Variants in PEX26 observed in about 807,000 individuals in gnomAD.
PEX26 encodes peroxisomal biogenesis factor 26.
Under a neutral mutation model 31.4 loss-of-function variants are expected in PEX26, and 18 were observed. The ratio of observed to expected loss-of-function variants is 0.57; its 90% CI spans 0.40 to 0.85. PEX26 has a LOEUF of 0.85. Ranked by LOEUF, PEX26 falls within the 40% of genes least tolerant of loss-of-function variation. The probability of loss-of-function intolerance (pLI) is 0.00; values close to 1 mark genes in which losing one functional copy is unlikely to be tolerated. For missense variants in PEX26, 377 were observed against 383.9 expected (o/e 0.98, Z 0.15); for synonymous variants, 176 against 166.9 (o/e 1.05, Z -0.42).
Position 18,103,192 on chromosome 22 carries a change from G to A in PEX26, c.*15117G>A, listed in dbSNP as rs1927510872. Reference sequence around the variant, plus strand: ...GCTGGGCAGGGTGTGTATGTGGGATGAAGAGGTGGCTTGATGGACACAAAC... The same window carrying A: ...GCTGGGCAGGGTGTGTATGTGGGATAAAGAGGTGGCTTGATGGACACAAAC... On this transcript the variant is annotated 3_prime_UTR_variant, in exon 5 of 5. Transcript: ENST00000399744. 6.6e-6 allele frequency: 1 copy of A among 151,792 alleles called. No individual in the cohort carries two copies. Among genetic ancestry groups the A allele is most frequent in the Non-Finnish European group, 1.5e-5 (1 of 67,968 alleles). The allele number at this position is 151,792 out of a possible 1,614,324, so 9.4% of individuals were successfully genotyped here. A position where few individuals can be genotyped will look rare whatever the true frequency, so the allele number is the denominator to read the frequency against.
In PEX26 at chr22:18,093,574, A is replaced by AC. The variant is rs1357846462; in HGVS notation, c.*5499_*5500insC. On this transcript the variant is annotated 3_prime_UTR_variant, in exon 5 of 5. Transcript: ENST00000399744. The stretch of plus-strand genomic sequence containing the variant: ...CAAGACTCCGTCTTAAAAAAAAAAA[A>AC]AACAAAAATAAACCTTTTAAATAAA... 2.0e-5 allele frequency: 3 copies of AC among 151,196 alleles called. No homozygotes were observed. The highest frequency in any genetic ancestry group is 2.1e-4 in the South Asian group (1 of 4,756). 9.4% of individuals were successfully genotyped at this position (151,196 alleles called of 1,614,324 possible). A position where few individuals can be genotyped will look rare whatever the true frequency, so the allele number is the denominator to read the frequency against.
At chr22:18,080,976 G>A (rs1189202525) in intron 2 of PEX26, among the ~76,000 whole-genome samples, 6 of 149,780 alleles carry the variant, frequency 4.0e-5, no homozygotes, top group East Asian at 1.9e-4. Context: ...CCGTTCTACC[G>A]TCTGCTTCTA....
Position 18,078,080 on chromosome 22 carries a change from CTGAGGCAGT to C in PEX26, c.-295_-287del. On this transcript the variant is annotated 5_prime_UTR_variant, in exon 1 of 5. Transcript: ENST00000399744. ...TTTGATCGTAACCAGGAGCCCGGAG[CTGAGGCAGT>C]TCCTGCACGTGTCGCGGGGCCGGAG... 2 of 575,150 alleles carry C rather than the reference CTGAGGCAGT, an allele frequency of 3.5e-6. No homozygotes were observed. Among genetic ancestry groups the C allele is most frequent in the Non-Finnish European group, 6.6e-6 (2 of 304,572 alleles). 35.6% of individuals were successfully genotyped at this position (575,150 alleles called of 1,614,324 possible). A position where few individuals can be genotyped will look rare whatever the true frequency, so the allele number is the denominator to read the frequency against.
In PEX26 at chr22:18,100,939, G is replaced by A. The variant is rs1193313777; in HGVS notation, c.*12864G>A. The A allele has an allele frequency of 6.6e-6, 1 of 152,114 alleles. No homozygotes were observed. Among genetic ancestry groups the A allele is most frequent in the Non-Finnish European group, 1.5e-5 (1 of 68,032 alleles). 9.4% of individuals were successfully genotyped at this position (152,114 alleles called of 1,614,324 possible). A position where few individuals can be genotyped will look rare whatever the true frequency, so the allele number is the denominator to read the frequency against. On this transcript the variant is annotated 3_prime_UTR_variant, in exon 5 of 5. Coordinates refer to ENST00000399744, the MANE Select transcript of PEX26 (RefSeq NM_001127649.3). ...GCTTTTAGTCTATTTCCAGCACACGGCCTACACTCACTGGTACCCCATACA... is the reference window on the plus strand; with the variant it reads ...GCTTTTAGTCTATTTCCAGCACACGACCTACACTCACTGGTACCCCATACA...
chr22:18,083,668 A>G lies in PEX26; in HGVS notation c.603A>G (p.Thr201=), dbSNP rs1926715303. The change falls in exon 3 of 5, where the codon ACA becomes ACG. Residue 201 remains threonine, a synonymous_variant. Coordinates refer to ENST00000399744, the MANE Select transcript of PEX26 (RefSeq NM_001127649.3). ...RRLDVLQAIH[T]ARQQQKQEHS... ...TGGATGTACTTCAGGCCATTCACACAGCGAGGCAGCAGCAGAAACAGGAAC... is the reference window on the plus strand; with the variant it reads ...TGGATGTACTTCAGGCCATTCACACGGCGAGGCAGCAGCAGAAACAGGAAC... The G allele has an allele frequency of 1.2e-6, 2 of 1,614,048 alleles. No individual in the cohort carries two copies. The highest frequency in any genetic ancestry group is 1.3e-5 in the African/African-American group (1 of 74,932).
Position 18,078,382 on chromosome 22 carries a change from G to A in PEX26, c.6G>A (p.Lys2=). The A allele has an allele frequency of 6.2e-7, 1 of 1,600,718 alleles. No homozygotes were observed. Among genetic ancestry groups the A allele is most frequent in the South Asian group, 1.1e-5 (1 of 89,560 alleles). The part of the protein sequence containing the change: M[K]SDSSTSAAPL... Reference sequence around the variant, plus strand: ...GCCTTGGACCCGGACTCGTTATGAAGAGCGATTCTTCGACCTCTGCAGCCC... The same window carrying A: ...GCCTTGGACCCGGACTCGTTATGAAAAGCGATTCTTCGACCTCTGCAGCCC... Residue 2 remains lysine, a synonymous_variant, in exon 1 of 5, where the codon AAG becomes AAA. Coordinates refer to ENST00000399744, the MANE Select transcript of PEX26 (RefSeq NM_001127649.3).
Position 18,089,399 on chromosome 22 carries a change from T to G in PEX26, c.*1324T>G, listed in dbSNP as rs1209795778. On this transcript the variant is annotated 3_prime_UTR_variant, in exon 5 of 5. Coordinates refer to ENST00000399744, the MANE Select transcript of PEX26 (RefSeq NM_001127649.3). ...CATGGGTTTTGAAGGCAGTGAACAA[T>G]AAAACCTTAGGGAGGTGGCACCGAG... 6.5e-6 allele frequency: 1 copy of G among 152,692 alleles called. No homozygotes were observed. The highest frequency in any genetic ancestry group is 1.5e-5 in the Non-Finnish European group (1 of 68,084). The allele number at this position is 152,692 out of a possible 1,614,324, so 9.5% of individuals were successfully genotyped here.
intron 4 of PEX26, among the ~76,000 whole-genome samples, chr22:18,086,297 C>T (rs1926841691): frequency 6.6e-6 from 1 of 151,518 alleles, no homozygotes; most frequent in South Asian, 2.1e-4. Flanking sequence ...GAAACTCTGT[C>T]TCAAAAAAGA....
rs965455880 is a variant in PEX26, at chr22:18,099,526, C to G, written c.*11451C>G. 6.6e-6 allele frequency: 1 copy of G among 152,168 alleles called. No individual in the cohort carries two copies. Among genetic ancestry groups the G allele is most frequent in the Non-Finnish European group, 1.5e-5 (1 of 68,028 alleles). 9.4% of individuals were successfully genotyped at this position (152,168 alleles called of 1,614,324 possible). A position where few individuals can be genotyped will look rare whatever the true frequency, so the allele number is the denominator to read the frequency against. ...TGTGCTTATTTTAAGCATATATCTACCAATTTGAGTTTGGCATTCTTTTTC... is the reference window on the plus strand; with the variant it reads ...TGTGCTTATTTTAAGCATATATCTAGCAATTTGAGTTTGGCATTCTTTTTC... On this transcript the variant is annotated 3_prime_UTR_variant, in exon 5 of 5. Transcript: ENST00000399744.
intron 3 of PEX26, 33 bp from the exon 4 acceptor site, chr22:18,085,079 A>G: frequency 6.2e-7 from 1 of 1,612,896 alleles, no homozygotes; most frequent in Non-Finnish European, 8.5e-7. Flanking sequence ...TTCCCATGAC[A>G]TCCCTGAAGC....
intron 4 of PEX26, among the ~76,000 whole-genome samples, chr22:18,085,547 G>A (rs192464905): frequency 6.6e-6 from 1 of 152,286 alleles, no homozygotes; most frequent in East Asian, 1.9e-4. Context: ...TTCTAGGGCT[G>A]AACTCTGACT....
chr22:18,084,943 G>T (rs1481591054), intron 3 of PEX26, among the ~76,000 whole-genome samples, 169 bp from the exon 4 acceptor site: 1 of 150,976 alleles, frequency 6.6e-6, no homozygotes, highest in Admixed American at 6.6e-5. Context: ...GGATGGTCTC[G>T]ATCTCCTGAC....
chr22:18,082,248 C>CCAGT, intron 2 of PEX26, among the ~76,000 whole-genome samples: 1 of 151,904 alleles, frequency 6.6e-6, no homozygotes. Context: ...GCTTTTGTTA[C>CCAGT]CAGTGCTTTT....
In PEX26 at chr22:18,096,170, T is replaced by G. The variant is rs1390458041; in HGVS notation, c.*8095T>G. The G allele has an allele frequency of 6.6e-6, 1 of 152,146 alleles. No homozygotes were observed. Among genetic ancestry groups the G allele is most frequent in the Non-Finnish European group, 1.5e-5 (1 of 68,060 alleles). The allele number at this position is 152,146 out of a possible 1,614,324, so 9.4% of individuals were successfully genotyped here. A position where few individuals can be genotyped will look rare whatever the true frequency, so the allele number is the denominator to read the frequency against. On this transcript the variant is annotated 3_prime_UTR_variant, in exon 5 of 5. Coordinates refer to ENST00000399744, the MANE Select transcript of PEX26 (RefSeq NM_001127649.3). ...GCTTTGACCTTCAAATAATCTTTCC[T>G]GTGCCTCAGTTACTTCATAGGTTTG...
chr22:18,080,453 C>T (rs527458402), intron 2 of PEX26, among the ~76,000 whole-genome samples: 29 of 152,294 alleles, frequency 1.9e-4, no homozygotes, highest in African/African-American at 6.7e-4. Flanking sequence ...CCTCAGCCTC[C>T]CGAGTAGCTG....
Position 18,078,110 on chromosome 22 carries a change from C to A in PEX26, c.-267C>A. The A allele has an allele frequency of 1.6e-6, 1 of 631,472 alleles. No individual in the cohort carries two copies. Among genetic ancestry groups the A allele is most frequent in the Non-Finnish European group, 2.9e-6 (1 of 340,060 alleles). The allele number at this position is 631,472 out of a possible 1,614,324, so 39.1% of individuals were successfully genotyped here. On this transcript the variant is annotated 5_prime_UTR_variant, in exon 1 of 5. Coordinates refer to ENST00000399744, the MANE Select transcript of PEX26 (RefSeq NM_001127649.3). Reference sequence around the variant, plus strand: ...GCAGTTCCTGCACGTGTCGCGGGGCCGGAGAAGCTAGGGCCAGGTATTCCA... The same window carrying A: ...GCAGTTCCTGCACGTGTCGCGGGGCAGGAGAAGCTAGGGCCAGGTATTCCA...
intron 2 of PEX26, among the ~76,000 whole-genome samples, chr22:18,080,305 C>T (rs1466507948): frequency 6.6e-6 from 1 of 152,036 alleles, no homozygotes; most frequent in African/African-American, 2.4e-5. Flanking sequence ...ATTCCTAATT[C>T]TTAAAAAAAA....
chr22:18,083,167 C>T (rs989650931), intron 2 of PEX26, among the ~76,000 whole-genome samples: 3 of 152,156 alleles, frequency 2.0e-5, no homozygotes, highest in Non-Finnish European at 4.4e-5. Flanking sequence ...CTATGACCTC[C>T]AGTACTATGT....
chr22:18,088,539 A>G lies in PEX26; in HGVS notation c.*464A>G, dbSNP rs141229564. Reference sequence around the variant, plus strand: ...CACGCCTGTAATCCCAGCACTTTGGAAGGGTGAGGTGGGTGGATCACTTGT... The same window carrying G: ...CACGCCTGTAATCCCAGCACTTTGGGAGGGTGAGGTGGGTGGATCACTTGT... On this transcript the variant is annotated 3_prime_UTR_variant, in exon 5 of 5. Coordinates refer to ENST00000399744, the MANE Select transcript of PEX26 (RefSeq NM_001127649.3). The surrounding 1 kb of genome is among the most constrained non-coding windows in gnomAD (Gnocchi z 4.1). 2,067 of 286,402 alleles carry G rather than the reference A, an allele frequency of 7.2e-3. 43 individuals carry two copies. Among genetic ancestry groups the G allele is most frequent in the African/African-American group, 0.042 (1,918 of 45,808 alleles). The allele number at this position is 286,402 out of a possible 1,614,324, so 17.7% of individuals were successfully genotyped here.
Sources: gnomAD v4.1 joint callset for allele counts (sites outside exome capture counted in the v4.1 genomes callset) on GRCh38, gnomAD v4.1.1 for gene constraint, Gnocchi (gnomAD v3.1) non-coding constraint, MANE v1.5 for transcripts, NCBI Gene and HGNC (gene_info 2026-07-23, HGNC 2026-07-21) for gene names.